Variants in EYS observed in about 807,000 individuals in gnomAD.
The protein encoded by EYS is protein eyes shut homolog.
A neutral mutation model predicts 282.1 loss-of-function variants in EYS; 250 were observed. That is an observed-to-expected ratio of 0.89 (90% confidence interval 0.80 to 0.98). The LOEUF (loss-of-function observed/expected upper bound fraction) is 0.98. EYS is among the 50% of genes least tolerant of loss of function. EYS has a pLI of 0.00. For synonymous variants in EYS, 1,355 were observed against 1,282.9 expected (o/e 1.06, Z -1.20); for missense variants, 4,016 against 3,709.0 (o/e 1.08, Z -2.15).
chr6:64,936,842 T>C (rs1768922540), intron 15 of EYS, among the ~76,000 whole-genome samples: 1 of 151,356 alleles, frequency 6.6e-6, no homozygotes, highest in Non-Finnish European at 1.5e-5. Flanking sequence ...CTAAAATTCA[T>C]ATGGAAGTAC....
chr6:64,098,372 A>T (rs906610557), intron 31 of EYS, among the ~76,000 whole-genome samples: 5 of 152,160 alleles, frequency 3.3e-5, no homozygotes, highest in African/African-American at 1.2e-4. Context: ...ATTATGGATA[A>T]ATTTCTAGAG....
intron 31 of EYS, among the ~76,000 whole-genome samples, chr6:64,125,669 C>G (rs748509149): frequency 2.6e-5 from 4 of 151,322 alleles, no homozygotes; most frequent in Non-Finnish European, 4.4e-5. Context: ...ACCTGTAGTC[C>G]CAGCTACTCA....
At chr6:64,402,716 C>T (rs181372588) in intron 28 of EYS, among the ~76,000 whole-genome samples, 198 of 152,280 alleles carry the variant, frequency 1.3e-3, no homozygotes, top group African/African-American at 4.5e-3. Flanking sequence ...ATTAAAAATA[C>T]CATGCAATTC....
intron 2 of EYS, among the ~76,000 whole-genome samples, chr6:65,548,554 C>A (rs956078523): frequency 5.3e-5 from 8 of 152,154 alleles, no homozygotes; most frequent in East Asian, 1.9e-4. Flanking sequence ...GTTTCCACAG[C>A]GATTCAATCT....
At chr6:64,393,212 A>G (rs1263226881) in intron 28 of EYS, among the ~76,000 whole-genome samples, 3 of 152,164 alleles carry the variant, frequency 2.0e-5, no homozygotes, top group African/African-American at 4.8e-5. Flanking sequence ...ACAAGGAGGA[A>G]CTGGTACCAT....
At chr6:64,712,754 T>A (rs774464647) in intron 22 of EYS, among the ~76,000 whole-genome samples, 4 of 152,150 alleles carry the variant, frequency 2.6e-5, no homozygotes, top group Non-Finnish European at 4.4e-5. Flanking sequence ...TGAGTTCATT[T>A]CTCTGGCAAG....
intron 36 of EYS, among the ~76,000 whole-genome samples, chr6:63,859,082 T>G (rs947973034): frequency 3.6e-5 from 1 of 27,790 alleles, no homozygotes; most frequent in Non-Finnish European, 8.4e-5. Context: ...AGAGTTTTTT[T>G]TTTTTTTTTT....
At chr6:64,560,197 T>G (rs1466809840) in intron 26 of EYS, among the ~76,000 whole-genome samples, 1 of 151,900 alleles carries the variant, frequency 6.6e-6, no homozygotes, top group African/African-American at 2.4e-5. Context: ...AAATTATATT[T>G]TCCTAGTTTT....
chr6:65,378,278 G>T (rs111656811), intron 8 of EYS, among the ~76,000 whole-genome samples: 92 of 152,080 alleles, frequency 6.0e-4, no homozygotes, highest in African/African-American at 2.2e-3. Flanking sequence ...ACAAACATAT[G>T]AAAAAAAGCT....
rs1038103010 is a variant in EYS, at chr6:65,179,625, GTA to G, written c.2023+116236_2023+116237del. Among the ~76,000 whole-genome samples the G allele has an allele frequency of 2.6e-4, 39 of 152,222 alleles. No individual in the cohort carries two copies. The Middle Eastern group carries it at 0.02, about 80-fold the overall frequency. On this transcript the variant is annotated intron_variant, in intron 12 of 42. Transcript: ENST00000503581. ...GATTCACAGCCGAATTCTACCAGAG[GTA>G]CAAGGAGGAGCTGTTACCATTCCTT... is the stretch of plus-strand genomic sequence containing the variant.
intron 19 of EYS, among the ~76,000 whole-genome samples, chr6:64,865,486 A>G (rs531279178): frequency 6.6e-6 from 1 of 152,184 alleles, no homozygotes; most frequent in African/African-American, 2.4e-5. Context: ...TGATTTTTAG[A>G]TATGTTACAG....
At chr6:64,949,178 C>T (rs562333872) in intron 14 of EYS, among the ~76,000 whole-genome samples, 4 of 151,866 alleles carry the variant, frequency 2.6e-5, no homozygotes, top group South Asian at 4.1e-4. Context: ...CTACAAGTTT[C>T]GTGTCTTAAA....
chr6:65,517,544 G>A (rs978818703), intron 2 of EYS, among the ~76,000 whole-genome samples: 8 of 151,956 alleles, frequency 5.3e-5, no homozygotes, highest in African/African-American at 1.7e-4. Flanking sequence ...ATTTTAAAAT[G>A]ATGCTGTAAT....
chr6:64,716,897 G>A (rs115377182), intron 22 of EYS, among the ~76,000 whole-genome samples: 2,536 of 152,220 alleles, frequency 0.017, 64 homozygotes, highest in African/African-American at 0.057. Context: ...ATACAAAGTG[G>A]GCTTGGAGAA....
intron 18 of EYS, 119 bp from the exon 19 acceptor site, chr6:64,886,961 T>A: frequency 2.9e-6 from 2 of 689,324 alleles, no homozygotes; most frequent in Non-Finnish European, 4.4e-6. Flanking sequence ...AAATAATATA[T>A]GTATTTCATT....
chr6:65,011,529 G>A lies in EYS; in HGVS notation c.2138-13826C>T, dbSNP rs796646395. On this transcript the variant is annotated intron_variant, in intron 13 of 42. Transcript: ENST00000503581. ...ATGACATTGAAGACACCCCTCCCGA[G>A]GAAATCTCAACTGCACAACCCCTAC... 1.4e-4 allele frequency among the ~76,000 whole-genome samples: 21 copies of A among 152,196 alleles called. 1 individual carries two copies. The highest frequency in any genetic ancestry group is 4.6e-4 in the Admixed American group (7 of 15,286).
chr6:63,772,147 T>C (rs573553724), intron 40 of EYS, among the ~76,000 whole-genome samples: 2 of 151,632 alleles, frequency 1.3e-5, no homozygotes, highest in East Asian at 1.9e-4. Flanking sequence ...AGCTGGGAAA[T>C]TTTTTAAAAA....
chr6:64,756,926 G>T (rs1159831562), intron 22 of EYS, among the ~76,000 whole-genome samples: 1 of 149,164 alleles, frequency 6.7e-6, no homozygotes, highest in Non-Finnish European at 1.5e-5. Flanking sequence ...CCCTGATGAA[G>T]TTTTCTAGGG....
intron 7 of EYS, among the ~76,000 whole-genome samples, chr6:65,387,824 G>A (rs1053267279): frequency 6.6e-6 from 1 of 151,804 alleles, no homozygotes; most frequent in African/African-American, 2.4e-5. Context: ...TTTTTATAAT[G>A]TTTAAGTTGT....
Sources: allele counts gnomAD v4.1 joint callset (sites outside exome capture counted in the v4.1 genomes callset), GRCh38; gene constraint gnomAD v4.1.1; transcripts MANE v1.5; gene names NCBI Gene and HGNC (gene_info 2026-07-23, HGNC 2026-07-21).